The following DAP variants were observed in gnomAD, a reference collection of about 807,000 sequenced individuals.
The protein encoded by DAP is death-associated protein 1.
DAP carries 8 observed loss-of-function variants against 13.8 expected under a neutral mutation model. That is an observed-to-expected ratio of 0.58 (90% CI 0.34 to 1.05). The LOEUF is 1.05. DAP is among the 50% of genes least tolerant of loss of function. The probability of loss-of-function intolerance (pLI) is 0.03; values close to 1 mark genes in which losing one functional copy is unlikely to be tolerated. For missense variants in DAP, 106 were observed against 133.2 expected (o/e 0.80, Z 1.01); for synonymous variants, 47 against 47.5 (o/e 0.99, Z 0.04).
At chr5:10,746,279 A>T (rs1014321446) in intron 2 of DAP, among the ~76,000 whole-genome samples, 8 of 152,162 alleles carry the variant, frequency 5.3e-5, no homozygotes, top group African/African-American at 1.4e-4. Flanking sequence ...TACGTTCCAA[A>T]CATAGCTTTG....
chr5:10,692,862 G>T (rs571235509), intron 2 of DAP, among the ~76,000 whole-genome samples: 31 of 152,194 alleles, frequency 2.0e-4, no homozygotes, highest in Non-Finnish European at 7.3e-5. Flanking sequence ...AAAGTAATTT[G>T]TATCTGCTGC....
intron 2 of DAP, among the ~76,000 whole-genome samples, chr5:10,700,455 A>G (rs2126644798): frequency 6.6e-6 from 1 of 152,296 alleles, no homozygotes; most frequent in East Asian, 1.9e-4. Flanking sequence ...TCCTTTTCAC[A>G]TCTGCTGGGA....
At chr5:10,712,786 T>C (rs1043221635) in intron 2 of DAP, among the ~76,000 whole-genome samples, 7 of 152,332 alleles carry the variant, frequency 4.6e-5, no homozygotes, top group South Asian at 2.1e-4. Context: ...GGGCTTCTGT[T>C]ATTCAGTTGC....
rs116696486 is a variant in DAP, at chr5:10,757,648, G to A, written c.55+3366C>T. 2.0e-3 allele frequency among the ~76,000 whole-genome samples: 307 copies of A among 152,296 alleles called. 3 individuals are homozygous for A. Among genetic ancestry groups the A allele is most frequent in the African/African-American group, 7.0e-3 (290 of 41,552 alleles). Reference sequence around the variant, plus strand: ...TGACTGGTGATTTCATGAGTTAAACGTGCCAAGCGCTTAGAAGTGTGTCAG... The same window carrying A: ...TGACTGGTGATTTCATGAGTTAAACATGCCAAGCGCTTAGAAGTGTGTCAG... On this transcript the variant is annotated intron_variant, in intron 1 of 3. Coordinates refer to ENST00000230895, the MANE Select transcript of DAP (RefSeq NM_004394.3).
intron 3 of DAP, 28 bp from the exon 4 acceptor site, chr5:10,681,197 TAATC>T (rs1291959899): frequency 1.4e-6 from 2 of 1,460,244 alleles, no homozygotes; most frequent in Admixed American, 2.7e-5. Flanking sequence ...AAGCTCAGGT[TAATC>T]AATAGGAAGC....
rs202130875 is a variant in DAP at position 10,691,936 on chromosome 5, C to CTAT, written c.153-8368_153-8366dup. Among the ~76,000 whole-genome samples, 173 of 152,304 alleles carry CTAT rather than the reference C, an allele frequency of 1.1e-3. 1 individual carries two copies. Among genetic ancestry groups the CTAT allele is most frequent in the African/African-American group, 4.0e-3 (165 of 41,570 alleles). ...ACCCTTTGTCCTTAACAAAAGTTTGCTATTACTTATTTTCTAAATTTTCTT... is the reference window on the plus strand; with the variant it reads ...ACCCTTTGTCCTTAACAAAAGTTTGCTATTATTACTTATTTTCTAAATTTTCTT... On this transcript the variant is annotated intron_variant, in intron 2 of 3. Transcript: ENST00000230895.
chr5:10,714,389 G>A (rs748859042), intron 2 of DAP, among the ~76,000 whole-genome samples: 5 of 152,086 alleles, frequency 3.3e-5, no homozygotes, highest in South Asian at 4.1e-4. Flanking sequence ...TAGAATTACC[G>A]TTGACATTCA....
rs1738724116 is a variant in DAP, at chr5:10,707,412, T to G, written c.153-23841A>C. 6.6e-6 allele frequency among the ~76,000 whole-genome samples: 1 copy of G among 152,190 alleles called. No homozygotes were observed. The highest frequency in any genetic ancestry group is 2.4e-5 in the African/African-American group (1 of 41,452). Reference sequence around the variant, plus strand: ...TTAAAGATTCATATTCAAAACCCCGTAACAATGTGGCCCCAGCACTGAGCT... The same window carrying G: ...TTAAAGATTCATATTCAAAACCCCGGAACAATGTGGCCCCAGCACTGAGCT... On this transcript the variant is annotated intron_variant, in intron 2 of 3. Transcript: ENST00000230895. The surrounding 1 kb of genome is among the most constrained non-coding windows in gnomAD (Gnocchi z 4.0).
At chr5:10,745,718 G>A (rs1739884397) in intron 2 of DAP, among the ~76,000 whole-genome samples, 1 of 152,142 alleles carries the variant, frequency 6.6e-6, no homozygotes, top group Non-Finnish European at 1.5e-5. Context: ...GTTAGGTAGG[G>A]AACTAGCTAT....
intron 2 of DAP, among the ~76,000 whole-genome samples, chr5:10,711,618 C>T (rs5745230): frequency 0.046 from 6,987 of 152,284 alleles, 233 homozygotes; most frequent in Non-Finnish European, 0.066. Context: ...TTCCTGGAGT[C>T]GGTGCTTCTC....
intron 2 of DAP, among the ~76,000 whole-genome samples, chr5:10,692,153 C>G (rs1579787075): frequency 6.6e-6 from 1 of 152,200 alleles, no homozygotes; most frequent in East Asian, 1.9e-4. Flanking sequence ...CTTCCCTAAA[C>G]TCCCAAACAG....
chr5:10,683,244 G>A (rs897550385), intron 3 of DAP: 7 of 504,728 alleles, frequency 1.4e-5, no homozygotes, highest in African/African-American at 5.8e-5. Flanking sequence ...GGTTCACTGC[G>A]GGGGTTTGCT....
intron 2 of DAP, among the ~76,000 whole-genome samples, chr5:10,710,766 G>C (rs529505205): frequency 6.6e-6 from 1 of 152,188 alleles, no homozygotes; most frequent in East Asian, 1.9e-4. Flanking sequence ...CCCAATCACC[G>C]GGTGTTAAGG....
chr5:10,709,377 T>C (rs1738783778), intron 2 of DAP, among the ~76,000 whole-genome samples: 1 of 152,134 alleles, frequency 6.6e-6, no homozygotes, highest in African/African-American at 2.4e-5. Flanking sequence ...TACTGCATGG[T>C]GTGGTGTGCC....
chr5:10,711,140 T>C (rs953882299), intron 2 of DAP, among the ~76,000 whole-genome samples: 2 of 152,284 alleles, frequency 1.3e-5, no homozygotes, highest in African/African-American at 4.8e-5. Flanking sequence ...CACACTCCCA[T>C]GTTTTGAAAT....
chr5:10,715,980 G>C (rs1298381515), intron 2 of DAP, among the ~76,000 whole-genome samples: 1 of 152,238 alleles, frequency 6.6e-6, no homozygotes, highest in African/African-American at 2.4e-5. Context: ...TTCTCCAGCA[G>C]AGGATGTGAG....
chr5:10,726,199 T>C (rs1739284504), intron 2 of DAP, among the ~76,000 whole-genome samples: 1 of 152,308 alleles, frequency 6.6e-6, no homozygotes, highest in East Asian at 1.9e-4. Context: ...CCCTCTGGAG[T>C]CCTTATAAAT....
At chr5:10,688,161 C>A (rs1197721085) in intron 2 of DAP, among the ~76,000 whole-genome samples, 1 of 151,998 alleles carries the variant, frequency 6.6e-6, no homozygotes, top group African/African-American at 2.4e-5. Flanking sequence ...AGTGATCTAC[C>A]CACCTTGACC....
chr5:10,689,998 C>T (rs1392988709), intron 2 of DAP, among the ~76,000 whole-genome samples: 1 of 152,220 alleles, frequency 6.6e-6, no homozygotes, highest in African/African-American at 2.4e-5. Flanking sequence ...TCATCCTGCA[C>T]TGCTGTGCTC....
Sources: allele counts gnomAD v4.1 joint callset (sites outside exome capture counted in the v4.1 genomes callset), GRCh38; gene constraint gnomAD v4.1.1; non-coding constraint Gnocchi (gnomAD v3.1); transcripts MANE v1.5; gene names NCBI Gene and HGNC (gene_info 2026-07-23, HGNC 2026-07-21).